Variants in CSMD1 observed in about 807,000 individuals in gnomAD.
CSMD1 encodes CUB and Sushi multiple domains 1.
A neutral mutation model predicts 417.5 loss-of-function variants in CSMD1; 213 were observed. That is an observed-to-expected ratio of 0.51 (90% CI 0.46 to 0.57). The LOEUF is 0.57. Among genes scored for constraint, CSMD1 ranks in the 20% least tolerant of loss-of-function variants. The pLI is 0.00. For missense variants in CSMD1, 6,923 were observed against 4,529.7 expected (o/e 1.53, Z -15.17); for synonymous variants, 2,862 against 1,736.8 (o/e 1.65, Z -16.11).
At chr8:3,836,178 A>T (rs530158234) in intron 5 of CSMD1, among the ~76,000 whole-genome samples, 1 of 152,268 alleles carries the variant, frequency 6.6e-6, no homozygotes, top group African/African-American at 2.4e-5. Context: ...AGTTTATTAT[A>T]GATTTTTCCA....
chr8:4,611,764 G>C (rs1801187468), intron 2 of CSMD1, among the ~76,000 whole-genome samples: 1 of 152,078 alleles, frequency 6.6e-6, no homozygotes, highest in South Asian at 2.1e-4. Flanking sequence ...TATTCAAAAT[G>C]TAGCAAAATT....
At chr8:4,927,993 GA>G (rs1563789217) in intron 1 of CSMD1, among the ~76,000 whole-genome samples, 1 of 152,062 alleles carries the variant, frequency 6.6e-6, no homozygotes, top group African/African-American at 2.4e-5. Context: ...TAAAGCTCCC[GA>G]GTCACACCCC....
intron 12 of CSMD1, among the ~76,000 whole-genome samples, chr8:3,443,532 C>G (rs1815122160): frequency 6.6e-6 from 1 of 152,094 alleles, no homozygotes; most frequent in African/African-American, 2.4e-5. Context: ...TGAACCAGAA[C>G]AATTCTACAA....
At position 4,345,713 on chromosome 8, in the gene CSMD1, G is replaced by T. The variant is rs76800752; in HGVS notation, c.415+74240C>A. Among the ~76,000 whole-genome samples, 428 of 152,140 alleles carry T rather than the reference G, an allele frequency of 2.8e-3. 1 individual carries two copies. The highest frequency in any genetic ancestry group is 9.4e-3 in the African/African-American group (389 of 41,532). On this transcript the variant is annotated intron_variant, in intron 3 of 69. Transcript: ENST00000635120. ...TGTAATTTTTTTAAAAAGGCTCAAC[G>T]TCATGAATTATCAAGAAAATGCAAA... is the stretch of plus-strand genomic sequence containing the variant.
chr8:4,151,050 G>A (rs1357720463), intron 3 of CSMD1, among the ~76,000 whole-genome samples: 1 of 152,112 alleles, frequency 6.6e-6, no homozygotes, highest in Non-Finnish European at 1.5e-5. Context: ...AAACGGTTGA[G>A]GAGCCTACAG....
chr8:2,959,155 C>A (rs7816885), intron 62 of CSMD1, among the ~76,000 whole-genome samples: 1 of 152,036 alleles, frequency 6.6e-6, no homozygotes, highest in African/African-American at 2.4e-5. Flanking sequence ...CCAGAGTATA[C>A]AGCACAGTGG....
intron 50 of CSMD1, among the ~76,000 whole-genome samples, chr8:3,044,770 C>A (rs982348340): frequency 6.6e-6 from 1 of 152,206 alleles, no homozygotes; most frequent in Non-Finnish European, 1.5e-5. Context: ...ATTGTATTTA[C>A]CATTTGCATT....
chr8:4,939,899 T>C (rs1432223044), intron 1 of CSMD1, among the ~76,000 whole-genome samples: 2 of 152,226 alleles, frequency 1.3e-5, no homozygotes, highest in Non-Finnish European at 2.9e-5. Flanking sequence ...TATCAGGTTG[T>C]GTACCATAAA....
chr8:4,155,780 G>C (rs994768191), intron 3 of CSMD1, among the ~76,000 whole-genome samples: 7 of 152,048 alleles, frequency 4.6e-5, no homozygotes, highest in East Asian at 1.9e-4. Flanking sequence ...CCAGTAATTT[G>C]TGTATTAAGA....
chr8:4,049,253 T>C (rs573659631), intron 3 of CSMD1, among the ~76,000 whole-genome samples: 3 of 152,212 alleles, frequency 2.0e-5, no homozygotes, highest in African/African-American at 7.2e-5. Flanking sequence ...ATCACTGGCA[T>C]TTTGTATGAA....
chr8:3,680,438 A>G (rs1799592252), intron 7 of CSMD1, among the ~76,000 whole-genome samples: 1 of 152,262 alleles, frequency 6.6e-6, no homozygotes, highest in Non-Finnish European at 1.5e-5. Flanking sequence ...AAAATCTACA[A>G]GAAACAGAGA....
chr8:4,819,570 A>C (rs762018981), intron 1 of CSMD1, among the ~76,000 whole-genome samples: 6 of 152,190 alleles, frequency 3.9e-5, no homozygotes, highest in Non-Finnish European at 7.3e-5. Context: ...TCTCATAAGT[A>C]AAATGTGTGT....
chr8:4,797,579 G>T (rs762712962), intron 1 of CSMD1, among the ~76,000 whole-genome samples: 2 of 152,046 alleles, frequency 1.3e-5, no homozygotes, highest in Non-Finnish European at 1.5e-5. Flanking sequence ...ATAAAAGTAC[G>T]AAATTATTCC....
intron 3 of CSMD1, among the ~76,000 whole-genome samples, chr8:4,144,903 G>C (rs1045200712): frequency 1.3e-5 from 2 of 151,006 alleles, no homozygotes; most frequent in Non-Finnish European, 2.9e-5. Flanking sequence ...TAGGCTTTCA[G>C]ACTCTATCAG....
chr8:4,332,678 C>A (rs569948870), intron 3 of CSMD1, among the ~76,000 whole-genome samples: 1 of 151,504 alleles, frequency 6.6e-6, no homozygotes, highest in African/African-American at 2.4e-5. Context: ...TAGCTGGCAC[C>A]CCTGGGGGAA....
intron 22 of CSMD1, 136 bp downstream of exon 22, chr8:3,347,856 G>A (rs190535): frequency 0.31 from 176,979 of 575,206 alleles, 28,649 homozygotes; most frequent in East Asian, 0.43. Context: ...AACTCATTGT[G>A]TAAATAAATA....
intron 3 of CSMD1, among the ~76,000 whole-genome samples, chr8:4,239,316 T>G (rs772906740): frequency 2.2e-4 from 33 of 152,212 alleles, no homozygotes; most frequent in Admixed American, 7.2e-4. Flanking sequence ...ACACCAGTGC[T>G]AAGGAGAAGA....
intron 1 of CSMD1, among the ~76,000 whole-genome samples, chr8:4,752,426 C>T (rs1203397244): frequency 1.3e-5 from 2 of 152,110 alleles, no homozygotes; most frequent in East Asian, 3.9e-4. Flanking sequence ...GAACTTGTGA[C>T]TGATTGTTTC....
intron 3 of CSMD1, among the ~76,000 whole-genome samples, chr8:4,351,128 G>A (rs769392887): frequency 4.0e-5 from 6 of 151,622 alleles, no homozygotes; most frequent in Non-Finnish European, 8.8e-5. Flanking sequence ...AGACCAGTCC[G>A]GGCAACATAG....
Sources: allele counts gnomAD v4.1 joint callset (sites outside exome capture counted in the v4.1 genomes callset), GRCh38; gene constraint gnomAD v4.1.1; transcripts MANE v1.5; gene names NCBI Gene and HGNC (gene_info 2026-07-23, HGNC 2026-07-21).